SEMA3A: variants seen among roughly 807,000 people sequenced by gnomAD.
The protein encoded by SEMA3A is semaphorin 3A.
Under a neutral mutation model 97.9 loss-of-function variants are expected in SEMA3A, and 29 were observed. That is an observed-to-expected ratio of 0.30 (90% CI 0.22 to 0.40). The LOEUF (loss-of-function observed/expected upper bound fraction) is 0.40. SEMA3A is among the 10% of genes least tolerant of loss of function. SEMA3A has a pLI of 1.00. For synonymous variants in SEMA3A, 321 were observed against 323.7 expected (o/e 0.99, Z 0.09); for missense variants, 763 against 951.3 (o/e 0.80, Z 2.60).
chr7:84,184,237 T>C lies in SEMA3A; in HGVS notation c.112+10238A>G, dbSNP rs571792824. ...TCATTTTGTTATGTTAGATCTTAAA[T>C]AGTTGTCTGGAAGAAGGGCTTAAAT... On this transcript the variant is annotated intron_variant, in intron 1 of 16. Coordinates refer to ENST00000265362, the MANE Select transcript of SEMA3A (RefSeq NM_006080.3). Among the ~76,000 whole-genome samples, 10 of 152,264 alleles carry C rather than the reference T, an allele frequency of 6.6e-5. No individual in the cohort carries two copies. In the South Asian group the frequency reaches 1.7e-3, roughly 25 times the overall value.
At chr7:84,209,252 A>C (rs1798568579) in intron 3 of SEMA3A, among the ~76,000 whole-genome samples, 1 of 152,238 alleles carries the variant, frequency 6.6e-6, no homozygotes, top group Non-Finnish European at 1.5e-5. Context: ...TGATCCAAGT[A>C]GGAATGACAA....
At chr7:84,269,966 T>A (rs187913192) in intron 3 of SEMA3A, among the ~76,000 whole-genome samples, 3 of 152,264 alleles carry the variant, frequency 2.0e-5, no homozygotes, top group Admixed American at 2.0e-4. Context: ...AATTTCTTTA[T>A]AATGAAGTCA....
At chr7:84,429,537 T>TAGAGAG (rs1359502527) in intron 1 of SEMA3A, among the ~76,000 whole-genome samples, 5 of 120,470 alleles carry the variant, frequency 4.2e-5, no homozygotes, top group African/African-American at 1.3e-4. Flanking sequence ...TATATATATA[T>TAGAGAG]ATATATATAT....
chr7:84,261,452 G>C (rs759670717), intron 3 of SEMA3A, among the ~76,000 whole-genome samples: 1 of 152,212 alleles, frequency 6.6e-6, no homozygotes, highest in African/African-American at 2.4e-5. Flanking sequence ...AGATCTAGGG[G>C]CTCCCTGAGC....
chr7:83,988,506 T>C (rs1481069442), intron 12 of SEMA3A, among the ~76,000 whole-genome samples: 1 of 152,098 alleles, frequency 6.6e-6, no homozygotes, highest in Admixed American at 6.6e-5. Context: ...TGGTTTTAAT[T>C]ACTATGTGCT....
At chr7:83,969,667 T>C (rs1337846778) in intron 15 of SEMA3A, among the ~76,000 whole-genome samples, 1 of 152,226 alleles carries the variant, frequency 6.6e-6, no homozygotes, top group African/African-American at 2.4e-5. Flanking sequence ...TATGATGGAA[T>C]ACTTTATTGA....
At chr7:84,325,586 A>G (rs186188428) in intron 2 of SEMA3A, among the ~76,000 whole-genome samples, 1 of 152,166 alleles carries the variant, frequency 6.6e-6, no homozygotes, top group Non-Finnish European at 1.5e-5. Context: ...GATCAGCGAT[A>G]TATGAGGGAG....
At chr7:84,086,709 T>A (rs191019154) in intron 4 of SEMA3A, among the ~76,000 whole-genome samples, 1 of 148,996 alleles carries the variant, frequency 6.7e-6, no homozygotes, top group South Asian at 2.1e-4. Context: ...TGGAACATCA[T>A]ATATATGTAT....
intron 3 of SEMA3A, among the ~76,000 whole-genome samples, chr7:84,201,195 T>G (rs1280317207): frequency 2.0e-5 from 3 of 152,100 alleles, no homozygotes; most frequent in African/African-American, 7.2e-5. Context: ...CAGATGTAAG[T>G]TTATTACAAT....
At chr7:84,339,491 G>A (rs189046992) in intron 2 of SEMA3A, among the ~76,000 whole-genome samples, 10 of 152,282 alleles carry the variant, frequency 6.6e-5, no homozygotes, top group Admixed American at 4.6e-4. Context: ...TATCAGGAAC[G>A]TGAGGGTTTG....
At chr7:84,429,516 TTATATATATATATATATATATATA>T (rs10523978) in intron 1 of SEMA3A, among the ~76,000 whole-genome samples, 1 of 72,420 alleles carries the variant, frequency 1.4e-5, no homozygotes, top group African/African-American at 7.1e-5. Context: ...ATAGAGTTTG[TTATATATATATATATATATATATA>T]TATATATAGC....
intron 3 of SEMA3A, among the ~76,000 whole-genome samples, chr7:84,216,653 T>C (rs2116328762): frequency 6.6e-6 from 1 of 152,106 alleles, no homozygotes; most frequent in African/African-American, 2.4e-5. Flanking sequence ...GAATGACAAA[T>C]GGACAATGAT....
chr7:83,974,690 T>C (rs1421799808), intron 15 of SEMA3A, among the ~76,000 whole-genome samples: 1 of 152,152 alleles, frequency 6.6e-6, no homozygotes, highest in Non-Finnish European at 1.5e-5. Context: ...AGACTTAGCA[T>C]GGCCAAATGG....
chr7:84,209,845 C>G (rs1408711517), intron 3 of SEMA3A, among the ~76,000 whole-genome samples: 1 of 151,952 alleles, frequency 6.6e-6, no homozygotes, highest in Non-Finnish European at 1.5e-5. Flanking sequence ...GAAGTAACAA[C>G]CTGGGATAAA....
intron 1 of SEMA3A, among the ~76,000 whole-genome samples, chr7:84,428,692 TTTTC>T (rs1361149260): frequency 6.6e-6 from 1 of 151,796 alleles, no homozygotes; most frequent in African/African-American, 2.4e-5. Flanking sequence ...GACAATGCAA[TTTTC>T]TTTAAGTACT....
Position 83,959,954 on chromosome 7 carries a change from T to TTTTTGTAAA in SEMA3A, c.*1416_*1417insTTTACAAAA, listed in dbSNP as rs1476190144. ...GTTGCAGGAAACAAAGAATTTTACA[T>TTTTTGTAAA]TGTTTAAATGTGGGTTGCATCCTGG... On this transcript the variant is annotated 3_prime_UTR_variant, in exon 17 of 17. Coordinates refer to ENST00000265362, the MANE Select transcript of SEMA3A (RefSeq NM_006080.3). The TTTTTGTAAA allele has an allele frequency of 6.6e-6, 1 of 152,096 alleles. No individual in the cohort carries two copies. Among genetic ancestry groups the TTTTTGTAAA allele is most frequent in the African/African-American group, 2.4e-5 (1 of 41,450 alleles). The allele number at this position is 152,096 out of a possible 1,614,324, so 9.4% of individuals were successfully genotyped here.
At chr7:84,073,834 T>C (rs1793836650) in intron 4 of SEMA3A, among the ~76,000 whole-genome samples, 1 of 147,582 alleles carries the variant, frequency 6.8e-6, no homozygotes, top group Non-Finnish European at 1.5e-5. Flanking sequence ...CTCTTTGATG[T>C]TCCAACAAAG....
At chr7:84,381,282 C>T (rs1803252547) in intron 1 of SEMA3A, among the ~76,000 whole-genome samples, 2 of 152,108 alleles carry the variant, frequency 1.3e-5, no homozygotes, top group South Asian at 4.1e-4. Flanking sequence ...TGATTTGTAG[C>T]AGGTCAGTCA....
chr7:84,478,402 T>G (rs2116427180), intron 1 of SEMA3A, among the ~76,000 whole-genome samples: 1 of 152,268 alleles, frequency 6.6e-6, no homozygotes, highest in Non-Finnish European at 1.5e-5. Flanking sequence ...CATATAAAAT[T>G]ACATACAAAA....
Sources: gnomAD v4.1 joint callset for allele counts (sites outside exome capture counted in the v4.1 genomes callset) on GRCh38, gnomAD v4.1.1 for gene constraint, MANE v1.5 for transcripts, NCBI Gene and HGNC (gene_info 2026-07-23, HGNC 2026-07-21) for gene names.